Variants in RERE observed in about 807,000 individuals in gnomAD.
RERE encodes arginine-glutamic acid dipeptide repeats protein.
Under a neutral mutation model 146.1 loss-of-function variants are expected in RERE, and 40 were observed. The observed-to-expected ratio is 0.27, with a 90% CI of 0.21 to 0.36. The LOEUF (loss-of-function observed/expected upper bound fraction) is 0.36. RERE is among the 10% of genes least tolerant of loss of function. RERE has a pLI of 1.00. For missense variants in RERE, 1,933 were observed against 2,138.7 expected, an observed-to-expected ratio of 0.90 and a Z score of 1.90; for synonymous variants, 1,003 against 866.0, an observed-to-expected ratio of 1.16 and a Z score of -2.78.
rs143994504 is a variant in RERE, at chr1:8,795,339, TC to T, written c.-145+21820del. On this transcript the variant is annotated intron_variant, in intron 1 of 22. Coordinates refer to ENST00000400908, the MANE Select transcript of RERE (RefSeq NM_001042681.2). Reference sequence around the variant, plus strand: ...GCCCCCGGCCCCCCACTTTTTTTTTTCTTTTTAGGAGACAAAGTTTTCTACG... The same window carrying T: ...GCCCCCGGCCCCCCACTTTTTTTTTTTTTTTAGGAGACAAAGTTTTCTACG... Among the ~76,000 whole-genome samples, 438 of 150,440 alleles carry T rather than the reference TC, an allele frequency of 2.9e-3. 4 individuals are homozygous for T. The highest frequency in any genetic ancestry group is 8.9e-3 in the African/African-American group (367 of 41,272).
intron 1 of RERE, among the ~76,000 whole-genome samples, chr1:8,788,845 T>C (rs1234041370): frequency 6.6e-6 from 1 of 151,654 alleles, no homozygotes; most frequent in Non-Finnish European, 1.5e-5. Context: ...GCAAAGCCAC[T>C]GACAAGTACA....
In RERE at chr1:8,652,268, G is replaced by C. The variant is rs771460217; in HGVS notation, c.325+3705C>G. On this transcript the variant is annotated intron_variant, in intron 2 of 22. Coordinates refer to ENST00000400908, the MANE Select transcript of RERE (RefSeq NM_001042681.2). ...CACGGAAATCTTCCAAACCATGTGT[G>C]GCCTTTATAGATCCTTCATAATACA... 2.0e-4 allele frequency among the ~76,000 whole-genome samples: 30 copies of C among 152,154 alleles called. 1 individual carries two copies. The highest frequency in any genetic ancestry group is 4.1e-4 in the Non-Finnish European group (28 of 68,022).
At chr1:8,642,337 C>CCAG (rs1300343073) in intron 2 of RERE, among the ~76,000 whole-genome samples, 2 of 152,180 alleles carry the variant, frequency 1.3e-5, no homozygotes, top group Non-Finnish European at 2.9e-5. Flanking sequence ...CGTTAACCCA[C>CCAG]CAGCAGTGGG....
At chr1:8,479,837 C>T (rs112735723) in intron 10 of RERE, among the ~76,000 whole-genome samples, 2 of 152,116 alleles carry the variant, frequency 1.3e-5, no homozygotes, top group African/African-American at 4.8e-5. Context: ...AATACACTAA[C>T]CTTCAAAAAC....
At chr1:8,359,254 T>C (rs1466136388) in intron 19 of RERE, among the ~76,000 whole-genome samples, 1 of 152,198 alleles carries the variant, frequency 6.6e-6, no homozygotes, top group Non-Finnish European at 1.5e-5. Flanking sequence ...GGAACCTCAC[T>C]GGCAGTCCCT....
intron 1 of RERE, among the ~76,000 whole-genome samples, chr1:8,715,935 C>T (rs911648196): frequency 6.6e-6 from 1 of 151,902 alleles, no homozygotes; most frequent in Non-Finnish European, 1.5e-5. Context: ...ATTTAAATGG[C>T]TAAATTTAAA....
rs543063319 is a variant in RERE at position 8,402,280 on chromosome 1, C to T, written c.1284+20447G>A. On this transcript the variant is annotated intron_variant, in intron 12 of 22. Coordinates refer to ENST00000400908, the MANE Select transcript of RERE (RefSeq NM_001042681.2). ...GGCCAAGTATAGGTACGCCAGGTTT[C>T]CATCCCAGTCGAGCTCAGCCTCAGA... Among the ~76,000 whole-genome samples the T allele has an allele frequency of 1.7e-4, 26 of 152,312 alleles. No homozygotes were observed. In the South Asian group the frequency reaches 3.9e-3, roughly 23 times the overall value.
Position 8,364,638 on chromosome 1 carries a change from A to C in RERE, c.1540+108T>G, listed in dbSNP as rs1641727181. ...AATCCCGAAGCACAATGCAAATGTC[A>C]AATCAAGTACTGTCCCTGGCAGGTT... On this transcript the variant is annotated intron_variant, in intron 14 of 22. Transcript: ENST00000400908. This position sits in a 1 kb window ranked among gnomAD's most constrained non-coding sequence, Gnocchi z 5.1. 2.5e-6 allele frequency: 2 copies of C among 785,350 alleles called. No individual in the cohort carries two copies. Among genetic ancestry groups the C allele is most frequent in the Non-Finnish European group, 4.4e-6 (2 of 453,524 alleles). 48.6% of individuals were successfully genotyped at this position (785,350 alleles called of 1,614,324 possible). A position where few individuals can be genotyped will look rare whatever the true frequency, so the allele number is the denominator to read the frequency against.
intron 7 of RERE, among the ~76,000 whole-genome samples, chr1:8,516,477 A>C (rs1206153608): frequency 6.6e-6 from 1 of 152,126 alleles, no homozygotes; most frequent in Admixed American, 6.5e-5. Flanking sequence ...AAGGTAAGCA[A>C]TTTCCATTTA....
chr1:8,495,367 T>A (rs1276024260), intron 9 of RERE, among the ~76,000 whole-genome samples: 2 of 151,256 alleles, frequency 1.3e-5, no homozygotes, highest in African/African-American at 4.9e-5. Flanking sequence ...CAGGCTGGAG[T>A]ACAGTGGCGC....
intron 7 of RERE, among the ~76,000 whole-genome samples, chr1:8,529,424 G>A (rs1456520518): frequency 1.3e-5 from 2 of 150,110 alleles, no homozygotes; most frequent in Admixed American, 6.6e-5. Context: ...CGAGTAGCTG[G>A]GACTACAGGT....
At chr1:8,458,938 AG>A (rs1312152969) in intron 11 of RERE, among the ~76,000 whole-genome samples, 1 of 152,244 alleles carries the variant, frequency 6.6e-6, no homozygotes, top group African/African-American at 2.4e-5. Context: ...CATTTACTAA[AG>A]GGTTTTAAAA....
intron 1 of RERE, among the ~76,000 whole-genome samples, chr1:8,758,320 G>GATCC (rs1569728298): frequency 6.6e-6 from 1 of 151,230 alleles, no homozygotes; most frequent in Non-Finnish European, 1.5e-5. Flanking sequence ...CTGACCTCCT[G>GATCC]ATCCACCCAC....
chr1:8,375,335 CATTTT>C (rs1344847613), intron 12 of RERE, among the ~76,000 whole-genome samples: 1 of 152,164 alleles, frequency 6.6e-6, no homozygotes, highest in African/African-American at 2.4e-5. Flanking sequence ...AAAGAAATGA[CATTTT>C]ATCTCCAAAA....
chr1:8,767,699 A>G (rs1022705080), intron 1 of RERE, among the ~76,000 whole-genome samples: 1 of 151,350 alleles, frequency 6.6e-6, no homozygotes, highest in Admixed American at 6.6e-5. Context: ...AATTAAAAAT[A>G]GCCTGTAATC....
chr1:8,433,169 A>G (rs1273822567), intron 11 of RERE, among the ~76,000 whole-genome samples: 1 of 152,180 alleles, frequency 6.6e-6, no homozygotes, highest in Non-Finnish European at 1.5e-5. Flanking sequence ...TCTCAGGACT[A>G]CTGTGTTCCT....
chr1:8,511,210 T>C (rs753039734), intron 7 of RERE, among the ~76,000 whole-genome samples: 2 of 152,216 alleles, frequency 1.3e-5, no homozygotes, highest in Non-Finnish European at 2.9e-5. Context: ...CAGATAATTA[T>C]TATTAAACTA....
chr1:8,427,100 C>G (rs1228311795), intron 11 of RERE, among the ~76,000 whole-genome samples: 2 of 152,184 alleles, frequency 1.3e-5, no homozygotes, highest in African/African-American at 4.8e-5. Context: ...AAGCAATCCT[C>G]CCGCTTTGAC....
At chr1:8,809,909 G>A (rs1023507249) in intron 1 of RERE, among the ~76,000 whole-genome samples, 1 of 152,162 alleles carries the variant, frequency 6.6e-6, no homozygotes, top group African/African-American at 2.4e-5. Flanking sequence ...CTGAAGAAAA[G>A]GTATTTAAGT....
Sources: gnomAD v4.1 joint callset for allele counts (sites outside exome capture counted in the v4.1 genomes callset) on GRCh38, gnomAD v4.1.1 for gene constraint, Gnocchi (gnomAD v3.1) non-coding constraint, MANE v1.5 for transcripts, NCBI Gene and HGNC (gene_info 2026-07-23, HGNC 2026-07-21) for gene names.